Variants in TMEFF2 observed in about 807,000 individuals in gnomAD.
The protein encoded by TMEFF2 is tomoregulin-2.
Under a neutral mutation model 53.8 loss-of-function variants are expected in TMEFF2, and 28 were observed. That is an observed-to-expected ratio of 0.52 (90% CI 0.39 to 0.71). The LOEUF is 0.71. TMEFF2 is among the 30% of genes least tolerant of loss of function. The pLI is 0.00. For synonymous variants in TMEFF2, 162 were observed against 166.3 expected (o/e 0.97, Z 0.20); for missense variants, 353 against 455.2 (o/e 0.78, Z 2.04).
At chr2:191,985,360 CAT>C (rs1685951873) in intron 7 of TMEFF2, among the ~76,000 whole-genome samples, 1 of 152,110 alleles carries the variant, frequency 6.6e-6, no homozygotes, top group Admixed American at 6.6e-5. Flanking sequence ...TAACAAATCA[CAT>C]ATGGAATAAC....
chr2:192,150,216 TA>T lies in TMEFF2; in HGVS notation c.439+29451del, dbSNP rs1036649156. Among the ~76,000 whole-genome samples, 25 of 151,850 alleles carry T rather than the reference TA, an allele frequency of 1.6e-4. No individual in the cohort carries two copies. The East Asian group carries it at 4.2e-3, about 26-fold the overall frequency. ...CGGAAACTTAGTTACCATATTCCTCTAAAAAAATATACAAACAAGGATAGTG... is the reference window on the plus strand; with the variant it reads ...CGGAAACTTAGTTACCATATTCCTCTAAAAAATATACAAACAAGGATAGTG... On this transcript the variant is annotated intron_variant, in intron 4 of 9. Coordinates refer to ENST00000272771, the MANE Select transcript of TMEFF2 (RefSeq NM_016192.4).
chr2:192,124,445 C>G (rs1267044737), intron 4 of TMEFF2, among the ~76,000 whole-genome samples: 1 of 152,156 alleles, frequency 6.6e-6, no homozygotes, highest in Non-Finnish European at 1.5e-5. Context: ...CTCTGAGGGT[C>G]ACCTGACAAA....
chr2:191,983,446 G>A (rs1685903634), intron 7 of TMEFF2, among the ~76,000 whole-genome samples: 3 of 151,456 alleles, frequency 2.0e-5, no homozygotes, highest in Admixed American at 2.0e-4. Context: ...TTACTCCAAG[G>A]AATGTAAGAA....
At chr2:192,013,101 C>T (rs1392281441) in intron 5 of TMEFF2, among the ~76,000 whole-genome samples, 1 of 152,198 alleles carries the variant, frequency 6.6e-6, no homozygotes, top group African/African-American at 2.4e-5. Context: ...GAGAATCAGT[C>T]CCTTGCTCAA....
intron 7 of TMEFF2, among the ~76,000 whole-genome samples, chr2:191,958,410 C>T (rs1442095639): frequency 6.6e-6 from 1 of 152,170 alleles, no homozygotes; most frequent in Admixed American, 6.5e-5. Context: ...TTTCCAAACA[C>T]ATCTTATTAG....
At chr2:192,091,158 C>T (rs1411673081) in intron 4 of TMEFF2, among the ~76,000 whole-genome samples, 2 of 152,168 alleles carry the variant, frequency 1.3e-5, no homozygotes, top group Non-Finnish European at 2.9e-5. Flanking sequence ...GCGATTCTCT[C>T]CAGGCAACTT....
chr2:192,176,476 G>C (rs1574437374), intron 4 of TMEFF2, among the ~76,000 whole-genome samples: 1 of 151,304 alleles, frequency 6.6e-6, no homozygotes, highest in South Asian at 2.1e-4. Flanking sequence ...AGATTTGTAT[G>C]AAGTATTTGT....
chr2:192,081,161 CTTTGT>C (rs1688543983), intron 4 of TMEFF2, among the ~76,000 whole-genome samples: 1 of 152,158 alleles, frequency 6.6e-6, no homozygotes, highest in African/African-American at 2.4e-5. Flanking sequence ...AAGTGATACG[CTTTGT>C]TTTTCTAGTA....
chr2:192,050,401 G>A (rs1222168334), intron 5 of TMEFF2, among the ~76,000 whole-genome samples: 1 of 152,146 alleles, frequency 6.6e-6, no homozygotes, highest in Non-Finnish European at 1.5e-5. Context: ...AGGTAGGCTA[G>A]CATCACAGAA....
At chr2:192,001,406 A>G (rs544441430) in intron 5 of TMEFF2, among the ~76,000 whole-genome samples, 12 of 151,908 alleles carry the variant, frequency 7.9e-5, no homozygotes, top group Middle Eastern at 3.2e-3. Context: ...TAAATAGATT[A>G]TATATATATA....
At chr2:191,984,479 GA>G (rs561881787) in intron 7 of TMEFF2, among the ~76,000 whole-genome samples, 2 of 151,944 alleles carry the variant, frequency 1.3e-5, no homozygotes, top group Non-Finnish European at 1.5e-5. Flanking sequence ...TATTCATTGA[GA>G]AAAAAATCTC....
chr2:192,034,017 T>C (rs1220107456), intron 5 of TMEFF2, among the ~76,000 whole-genome samples: 1 of 151,480 alleles, frequency 6.6e-6, no homozygotes, highest in Non-Finnish European at 1.5e-5. Flanking sequence ...CTACTAAAAA[T>C]ACAAAAAATT....
chr2:192,135,904 T>G (rs1316675820), intron 4 of TMEFF2, among the ~76,000 whole-genome samples: 2 of 151,854 alleles, frequency 1.3e-5, no homozygotes, highest in African/African-American at 2.4e-5. Context: ...CTGAGCACCT[T>G]GTGACCCCCG....
At chr2:192,179,822 T>A (rs1691142604) in intron 3 of TMEFF2, 128 bp from the exon 4 acceptor site, 1 of 687,578 alleles carries the variant, frequency 1.5e-6, no homozygotes, top group Non-Finnish European at 2.2e-6. Flanking sequence ...TAATATTTAA[T>A]CCAAAAACGT....
In TMEFF2 at chr2:192,071,164, C is replaced by A. The variant is rs1261763816; in HGVS notation, c.440-13389G>T. Among the ~76,000 whole-genome samples, 6 of 151,892 alleles carry A rather than the reference C, an allele frequency of 4.0e-5. No individual in the cohort carries two copies. In the South Asian group the frequency reaches 1.2e-3, roughly 31 times the overall value. On this transcript the variant is annotated intron_variant, in intron 4 of 9. Coordinates refer to ENST00000272771, the MANE Select transcript of TMEFF2 (RefSeq NM_016192.4). ...AGAACTGACAAGATTTACTGATGTA[C>A]TGGGGACAGGTGTAATGTCAATGTT... is the stretch of plus-strand genomic sequence containing the variant.
chr2:192,148,686 T>C (rs1229140132), intron 4 of TMEFF2, among the ~76,000 whole-genome samples: 1 of 152,036 alleles, frequency 6.6e-6, no homozygotes. Context: ...TCCAAGGCAT[T>C]ACACAGTAAA....
intron 5 of TMEFF2, among the ~76,000 whole-genome samples, chr2:192,013,367 C>T (rs1443384998): frequency 1.3e-5 from 2 of 152,108 alleles, no homozygotes; most frequent in Non-Finnish European, 2.9e-5. Flanking sequence ...ACTTGCATGG[C>T]TCAAATATTA....
chr2:192,012,333 G>T (rs1229530612), intron 5 of TMEFF2, among the ~76,000 whole-genome samples: 2 of 152,112 alleles, frequency 1.3e-5, no homozygotes, highest in African/African-American at 2.4e-5. Context: ...AAATCACTGG[G>T]TGATAACTTT....
At chr2:191,988,125 A>C (rs1686022207) in intron 7 of TMEFF2, among the ~76,000 whole-genome samples, 1 of 152,200 alleles carries the variant, frequency 6.6e-6, no homozygotes, top group African/African-American at 2.4e-5. Context: ...TAGACACATA[A>C]GCATTAATAG....
Sources: gnomAD v4.1 joint callset for allele counts (sites outside exome capture counted in the v4.1 genomes callset) on GRCh38, gnomAD v4.1.1 for gene constraint, MANE v1.5 for transcripts, NCBI Gene and HGNC (gene_info 2026-07-23, HGNC 2026-07-21) for gene names.